IL34: variants seen among roughly 807,000 people sequenced by gnomAD.
IL34 encodes the protein interleukin 34.
IL34 carries 17 observed loss-of-function variants against 25.3 expected under a neutral mutation model. The observed-to-expected ratio is 0.67, with a 90% CI of 0.46 to 1.01. The LOEUF (loss-of-function observed/expected upper bound fraction) is 1.01, where lower values mean the gene tolerates loss of function less well. Among genes scored for constraint, IL34 ranks in the 50% least tolerant of loss-of-function variants. IL34 has a pLI of 0.00. For synonymous variants in IL34, 174 were observed against 140.9 expected (o/e 1.23, Z -1.66); for missense variants, 368 against 312.9 (o/e 1.18, Z -1.33).
chr16:70,657,025 T>C lies in IL34; in HGVS notation c.306T>C (p.Thr102=), dbSNP rs1473785997. The change falls in exon 4 of 6, where the codon ACT becomes ACC. Residue 102 remains threonine, a synonymous_variant. Transcript: ENST00000288098. Reference sequence around the variant, plus strand: ...GGGTCTTGGTGAGCCTCAGTGCCACTGAGTCGGTGCAGGACGTGCTGCTCG... The same window carrying C: ...GGGTCTTGGTGAGCCTCAGTGCCACCGAGTCGGTGCAGGACGTGCTGCTCG... ...YLWVLVSLSA[T]ESVQDVLLEG... The C allele has an allele frequency of 6.2e-7, 1 of 1,612,348 alleles. No individual in the cohort carries two copies. Among genetic ancestry groups the C allele is most frequent in the Non-Finnish European group, 8.5e-7 (1 of 1,179,946 alleles).
intron 1 of IL34, among the ~76,000 whole-genome samples, chr16:70,640,208 C>T (rs995452252): frequency 5.3e-5 from 8 of 152,126 alleles, no homozygotes; most frequent in African/African-American, 1.4e-4. Context: ...GTGGTGCCAT[C>T]GTGGCTCACT....
chr16:70,593,502 A>G lies in IL34; in HGVS notation c.-401+13453A>G, dbSNP rs568043961. Among the ~76,000 whole-genome samples the G allele has an allele frequency of 3.9e-5, 6 of 152,170 alleles. No homozygotes were observed. The South Asian group carries it at 8.3e-4, about 21-fold the overall frequency. On this transcript the variant is annotated intron_variant, in intron 1 of 6. Transcript: ENST00000429149. The stretch of plus-strand genomic sequence containing the variant: ...TCAGACCTTAGAATCAAGATTTCTT[A>G]GTACCTAGTTTGTTGTTGTTGTTGT...
At chr16:70,613,163 C>T (rs1020792088) in intron 1 of IL34, among the ~76,000 whole-genome samples, 6 of 152,164 alleles carry the variant, frequency 3.9e-5, no homozygotes, top group Admixed American at 1.3e-4. Flanking sequence ...GTGAAGGTGA[C>T]GCAACTGAAA....
At chr16:70,595,458 C>T (rs897819094) in intron 1 of IL34, among the ~76,000 whole-genome samples, 1 of 152,014 alleles carries the variant, frequency 6.6e-6, no homozygotes, top group Admixed American at 6.6e-5. Flanking sequence ...GTAGCTGGAC[C>T]ACAGGTGTGC....
At chr16:70,622,993 C>T (rs1480316696) in intron 1 of IL34, among the ~76,000 whole-genome samples, 1 of 151,982 alleles carries the variant, frequency 6.6e-6, no homozygotes, top group Non-Finnish European at 1.5e-5. Context: ...CTAACCATAC[C>T]TAGGAAGAAA....
intron 2 of IL34, 54 bp from the exon 3 acceptor site, chr16:70,656,548 G>A: frequency 1.1e-6 from 1 of 880,236 alleles, no homozygotes; most frequent in East Asian, 2.4e-5. Flanking sequence ...AGGTTGGGGA[G>A]CCTGCTGGTC....
At chr16:70,589,154 G>A (rs1287079144) in intron 1 of IL34, among the ~76,000 whole-genome samples, 4 of 152,030 alleles carry the variant, frequency 2.6e-5, no homozygotes, top group South Asian at 2.1e-4. Flanking sequence ...CCAAGGTCAC[G>A]CCATTGCACT....
upstream of IL34, among the ~76,000 whole-genome samples, chr16:70,645,161 A>G (rs75528185): frequency 0.019 from 2,900 of 150,654 alleles, 105 homozygotes; most frequent in African/African-American, 0.067. Flanking sequence ...GGAGGAAGAG[A>G]AGGAGGAAGA....
intron 1 of IL34, 142 bp downstream of exon 1, chr16:70,647,117 A>G (rs916643845): frequency 3.9e-6 from 3 of 774,476 alleles, no homozygotes; most frequent in African/African-American, 3.7e-5. Flanking sequence ...ACCCTCTGAG[A>G]TTCCCACGGC....
intron 4 of IL34, chr16:70,657,365 T>C: frequency 2.0e-6 from 1 of 492,944 alleles, no homozygotes. Flanking sequence ...GACTCTGTTC[T>C]AGGCTCTGCC....
intron 1 of IL34, among the ~76,000 whole-genome samples, chr16:70,593,964 G>T (rs2050785821): frequency 6.6e-6 from 1 of 152,068 alleles, no homozygotes; most frequent in Non-Finnish European, 1.5e-5. Context: ...GTCTATTCTT[G>T]GTTCCCTATT....
At chr16:70,618,588 G>A (rs534116706) in intron 1 of IL34, among the ~76,000 whole-genome samples, 4 of 152,294 alleles carry the variant, frequency 2.6e-5, no homozygotes, top group African/African-American at 9.6e-5. Flanking sequence ...TGAGGGCTAG[G>A]CTAAAACAGT....
intron 1 of IL34, 130 bp downstream of exon 1, chr16:70,647,105 A>T (rs2051954716): frequency 2.4e-6 from 2 of 832,196 alleles, no homozygotes; most frequent in Non-Finnish European, 1.7e-6. Context: ...CGGACTGCAG[A>T]CACCCTCTGA....
intron 1 of IL34, among the ~76,000 whole-genome samples, chr16:70,630,858 C>T (rs1407067619): frequency 6.6e-6 from 1 of 152,122 alleles, no homozygotes; most frequent in African/African-American, 2.4e-5. Context: ...TAGGAGTGAG[C>T]CACCAAGCTC....
chr16:70,638,012 C>G (rs942036858), intron 1 of IL34, among the ~76,000 whole-genome samples: 1 of 152,054 alleles, frequency 6.6e-6, no homozygotes, highest in African/African-American at 2.4e-5. Context: ...ATGGATATCC[C>G]AGGCATTCAG....
chr16:70,605,664 C>CTTCTA (rs1256941640), intron 1 of IL34, among the ~76,000 whole-genome samples: 5 of 151,978 alleles, frequency 3.3e-5, no homozygotes, highest in Non-Finnish European at 7.4e-5. Context: ...CCTCTTCTCT[C>CTTCTA]TTCTCTTCTC....
chr16:70,605,035 G>C (rs187425890), intron 1 of IL34, among the ~76,000 whole-genome samples: 2 of 152,334 alleles, frequency 1.3e-5, no homozygotes, highest in African/African-American at 4.8e-5. Context: ...TGGGGGAAGG[G>C]AGAAGGGTGT....
intron 1 of IL34, among the ~76,000 whole-genome samples, chr16:70,614,462 G>A (rs943833816): frequency 2.0e-5 from 3 of 152,208 alleles, no homozygotes; most frequent in African/African-American, 7.2e-5. Context: ...CTCTCCAGGT[G>A]GTTCTTAAGC....
At chr16:70,588,472 G>A (rs2050718394) in intron 1 of IL34, among the ~76,000 whole-genome samples, 1 of 151,518 alleles carries the variant, frequency 6.6e-6, no homozygotes, top group African/African-American at 2.4e-5. Flanking sequence ...CCAAGCCTGG[G>A]CAACAAGAGT....
Sources: gnomAD v4.1 joint callset for allele counts (sites outside exome capture counted in the v4.1 genomes callset) on GRCh38, gnomAD v4.1.1 for gene constraint, MANE v1.5 for transcripts, NCBI Gene and HGNC (gene_info 2026-07-23, HGNC 2026-07-21) for gene names.